The following CYP7B1 variants were observed in gnomAD, a reference collection of about 807,000 sequenced individuals.
CYP7B1 encodes cytochrome P450 family 7 subfamily B member 1.
A neutral mutation model predicts 42.7 loss-of-function variants in CYP7B1; 29 were observed. The ratio of observed to expected loss-of-function variants is 0.68; its 90% confidence interval spans 0.51 to 0.93. The LOEUF is 0.93. CYP7B1 is among the 40% of genes least tolerant of loss of function. The pLI, the probability that CYP7B1 is intolerant of heterozygous loss-of-function variation, is 0.00. For synonymous variants in CYP7B1, 235 were observed against 218.2 expected (o/e 1.08, Z -0.68); for missense variants, 655 against 600.5 (o/e 1.09, Z -0.95).
intron 4 of CYP7B1, 114 bp downstream of exon 4, chr8:64,614,912 T>TATA: frequency 2.1e-6 from 2 of 938,214 alleles, no homozygotes; most frequent in Non-Finnish European, 1.7e-6. Flanking sequence ...AAATGGGTGT[T>TATA]ATTATGTCAA....
intron 4 of CYP7B1, among the ~76,000 whole-genome samples, chr8:64,611,863 T>C (rs1034537650): frequency 6.6e-6 from 1 of 152,136 alleles, no homozygotes; most frequent in Non-Finnish European, 1.5e-5. Context: ...TTGAGCATGA[T>C]GTTCATAAAT....
chr8:64,590,277 G>A (rs193290201), downstream of CYP7B1, among the ~76,000 whole-genome samples: 5 of 152,280 alleles, frequency 3.3e-5, no homozygotes, highest in African/African-American at 9.6e-5. Context: ...TCACACCAGT[G>A]TCTCTGAGAA....
At chr8:64,705,693 A>G (rs1249334564) in intron 1 of CYP7B1, among the ~76,000 whole-genome samples, 1 of 152,018 alleles carries the variant, frequency 6.6e-6, no homozygotes, top group African/African-American at 2.4e-5. Context: ...CTTGGTGATG[A>G]TAATACTGAA....
chr8:64,709,677 T>TG (rs1489004428), intron 1 of CYP7B1, among the ~76,000 whole-genome samples: 2 of 152,212 alleles, frequency 1.3e-5, no homozygotes, highest in Non-Finnish European at 2.9e-5. Flanking sequence ...AGGGCTAATC[T>TG]GGATGGAATC....
intron 1 of CYP7B1, among the ~76,000 whole-genome samples, chr8:64,766,235 A>T (rs916593710): frequency 6.6e-6 from 1 of 152,188 alleles, no homozygotes; most frequent in South Asian, 2.1e-4. Context: ...AAATTATTCA[A>T]TGATGTCCAC....
In CYP7B1 at chr8:64,615,949, C is replaced by G. The variant is rs1805436635; in HGVS notation, c.592G>C (p.Gly198Arg). Residue 198 changes from glycine (G) to arginine (R), a missense_variant, in exon 3 of 6, where the codon GGA becomes CGA. Gly to Arg is a moderately radical substitution (Grantham distance 125). Coordinates refer to ENST00000310193, the MANE Select transcript of CYP7B1 (RefSeq NM_004820.5). The stretch of plus-strand genomic sequence containing the variant: ...TTGTTGTCACAAACAATAACTTTTC[C>G]ATATATAGTTGTAAATGTGATCTCA... ...IFEITFTTIY[G>R]KVIVCDNNKF... is the part of the protein sequence containing the mutation. The G allele has an allele frequency of 1.2e-6, 2 of 1,613,494 alleles. No homozygotes were observed. The highest frequency in any genetic ancestry group is 1.7e-6 in the Non-Finnish European group (2 of 1,179,762).
intron 1 of CYP7B1, among the ~76,000 whole-genome samples, chr8:64,781,503 C>T (rs1804423739): frequency 6.6e-6 from 1 of 152,040 alleles, no homozygotes; most frequent in Non-Finnish European, 1.5e-5. Flanking sequence ...TTTGCCTTTT[C>T]CAGCTTCTAA....
At chr8:64,768,651 G>A (rs1223322481) in intron 1 of CYP7B1, among the ~76,000 whole-genome samples, 1 of 152,158 alleles carries the variant, frequency 6.6e-6, no homozygotes, top group African/African-American at 2.4e-5. Flanking sequence ...TATGCCTCAT[G>A]TCAAACTATG....
Position 64,784,737 on chromosome 8 carries a change from T to G in CYP7B1, c.122+13729A>C, listed in dbSNP as rs1804493464. Among the ~76,000 whole-genome samples, 5 of 152,296 alleles carry G rather than the reference T, an allele frequency of 3.3e-5. No homozygotes were observed. In the South Asian group the frequency reaches 1.0e-3, roughly 32 times the overall value. On this transcript the variant is annotated intron_variant, in intron 1 of 5. Transcript: ENST00000310193. ...AATATAACTCTGAACTGAATCGCACTTATTTTGAATAGTATAAAACCTCAG... is the reference window on the plus strand; with the variant it reads ...AATATAACTCTGAACTGAATCGCACGTATTTTGAATAGTATAAAACCTCAG...
intron 1 of CYP7B1, among the ~76,000 whole-genome samples, chr8:64,719,909 C>A (rs933001784): frequency 6.6e-6 from 1 of 152,174 alleles, no homozygotes; most frequent in African/African-American, 2.4e-5. Context: ...TTCTATTTGA[C>A]GACTTTAACT....
At chr8:64,686,434 G>A (rs1585855789) in intron 1 of CYP7B1, among the ~76,000 whole-genome samples, 1 of 39,012 alleles carries the variant, frequency 2.6e-5, no homozygotes, top group Admixed American at 2.0e-4. Flanking sequence ...CTGGCCAGCC[G>A]CCCCGTCCGG....
chr8:64,753,538 T>C (rs1265368738), intron 1 of CYP7B1, among the ~76,000 whole-genome samples: 4 of 152,212 alleles, frequency 2.6e-5, no homozygotes, highest in Admixed American at 1.3e-4. Flanking sequence ...GGGATTGAGG[T>C]ATGCCCATTC....
intron 1 of CYP7B1, among the ~76,000 whole-genome samples, chr8:64,782,528 C>G (rs1248463995): frequency 1.3e-5 from 2 of 152,124 alleles, no homozygotes; most frequent in Non-Finnish European, 2.9e-5. Flanking sequence ...TTCTAATCCT[C>G]CCAGTCTATG....
At chr8:64,680,399 G>C (rs1276288828) in intron 1 of CYP7B1, among the ~76,000 whole-genome samples, 1 of 152,046 alleles carries the variant, frequency 6.6e-6, no homozygotes, top group Non-Finnish European at 1.5e-5. Context: ...TCTCACTGGA[G>C]GAAAACGCAA....
chr8:64,761,292 ATATAT>A (rs1219242013), intron 1 of CYP7B1, among the ~76,000 whole-genome samples: 1 of 152,118 alleles, frequency 6.6e-6, no homozygotes, highest in African/African-American at 2.4e-5. Flanking sequence ...ATTAATAATA[ATATAT>A]TGTATATTTG....
chr8:64,681,930 A>G (rs1260561070), intron 1 of CYP7B1, among the ~76,000 whole-genome samples: 1 of 152,216 alleles, frequency 6.6e-6, no homozygotes, highest in Non-Finnish European at 1.5e-5. Context: ...TTTGGCATGG[A>G]TGGTCCAGGA....
chr8:64,650,802 T>G (rs1806027174), intron 1 of CYP7B1, among the ~76,000 whole-genome samples: 1 of 152,234 alleles, frequency 6.6e-6, no homozygotes. Context: ...TTTAATAACA[T>G]AACCTAAGAG....
chr8:64,735,895 C>T lies in CYP7B1; in HGVS notation c.122+62571G>A, dbSNP rs565058125. Among the ~76,000 whole-genome samples the T allele has an allele frequency of 6.2e-4, 95 of 152,132 alleles. 1 individual carries two copies. The highest frequency in any genetic ancestry group is 3.8e-3 in the Admixed American group (58 of 15,282). On this transcript the variant is annotated intron_variant, in intron 1 of 5. Transcript: ENST00000310193. ...GAGAAAGGTAAAATTATGTTTCTTCCCCTACAATACTAATATAAGTTGTAA... is the reference window on the plus strand; with the variant it reads ...GAGAAAGGTAAAATTATGTTTCTTCTCCTACAATACTAATATAAGTTGTAA...
intron 1 of CYP7B1, among the ~76,000 whole-genome samples, chr8:64,786,650 T>C (rs1804532665): frequency 6.6e-6 from 1 of 152,180 alleles, no homozygotes; most frequent in Non-Finnish European, 1.5e-5. Flanking sequence ...CAGTGCAAGC[T>C]GTCAGTGGAT....
Sources: allele counts gnomAD v4.1 joint callset (sites outside exome capture counted in the v4.1 genomes callset), GRCh38; gene constraint gnomAD v4.1.1; transcripts MANE v1.5; gene names NCBI Gene and HGNC (gene_info 2026-07-23, HGNC 2026-07-21).